RFX7: variants seen among roughly 807,000 people sequenced by gnomAD.
RFX7 encodes the protein regulatory factor X7.
Under a neutral mutation model 111.8 loss-of-function variants are expected in RFX7, and 26 were observed. The observed-to-expected ratio is 0.23, with a 90% CI of 0.17 to 0.32. The LOEUF is 0.32. RFX7 is among the 10% of genes least tolerant of loss of function. RFX7 has a pLI of 1.00. For synonymous variants in RFX7, 624 were observed against 624.4 expected, an observed-to-expected ratio of 1.00 and a Z score of 0.01; for missense variants, 1,573 against 1,772.9, an observed-to-expected ratio of 0.89 and a Z score of 2.02.
intron 5 of RFX7, among the ~76,000 whole-genome samples, chr15:56,127,474 T>C (rs1232765775): frequency 6.7e-6 from 1 of 149,376 alleles, no homozygotes; most frequent in Non-Finnish European, 1.5e-5. Context: ...ATAAAGATTC[T>C]AGTGGAAAGA....
intron 5 of RFX7, among the ~76,000 whole-genome samples, chr15:56,106,934 G>T (rs1346578234): frequency 6.6e-6 from 1 of 152,132 alleles, no homozygotes; most frequent in African/African-American, 2.4e-5. Flanking sequence ...CTCAGTGTCA[G>T]ATTATACTTT....
At position 56,088,082 on chromosome 15, in the gene RFX7, A is replaced by C; in HGVS notation, c.*5263T>G. 4.7e-6 allele frequency: 1 copy of C among 213,150 alleles called. No individual in the cohort carries two copies. The highest frequency in any genetic ancestry group is 9.9e-6 in the Non-Finnish European group (1 of 101,490). The allele number at this position is 213,150 out of a possible 1,614,324, so 13.2% of individuals were successfully genotyped here. Reference sequence around the variant, plus strand: ...CTAAAAGCAATAAAAATGAAAAAGAATTGTTGACATATAAGGATGGGAGGT... The same window carrying C: ...CTAAAAGCAATAAAAATGAAAAAGACTTGTTGACATATAAGGATGGGAGGT... On this transcript the variant is annotated 3_prime_UTR_variant, in exon 10 of 10. Transcript: ENST00000559447.
chr15:56,096,285 T>C lies in RFX7; in HGVS notation c.1443A>G (p.Thr481=). ...TAAGAGGGGTGTTACTGTTGCTGGG[T>C]GTGAGGGATATTGTTGTCATTTTCA... The part of the protein sequence containing the change: ...NVVKMTTISL[T]PSNSNTPLKH... Residue 481 remains threonine, a synonymous_variant, in exon 10 of 10, where the codon ACA becomes ACG. Coordinates refer to ENST00000559447, the MANE Select transcript of RFX7 (RefSeq NM_022841.7). 6.2e-7 allele frequency: 1 copy of C among 1,613,844 alleles called. No homozygotes were observed. The highest frequency in any genetic ancestry group is 8.5e-7 in the Non-Finnish European group (1 of 1,179,850).
intron 5 of RFX7, among the ~76,000 whole-genome samples, chr15:56,107,447 G>GTCTT (rs1261572204): frequency 2.0e-5 from 3 of 150,548 alleles, no homozygotes; most frequent in Non-Finnish European, 4.4e-5. Context: ...TAACAATTCA[G>GTCTT]TCTTTAATAT....
chr15:56,201,185 A>C (rs1349823007), intron 2 of RFX7, among the ~76,000 whole-genome samples: 2 of 152,172 alleles, frequency 1.3e-5, no homozygotes, highest in Non-Finnish European at 1.5e-5. Context: ...GTAAGACATG[A>C]CTTATTACTC....
At chr15:56,221,245 C>T (rs1227260435) in intron 2 of RFX7, among the ~76,000 whole-genome samples, 4 of 152,136 alleles carry the variant, frequency 2.6e-5, no homozygotes, top group Non-Finnish European at 4.4e-5. Flanking sequence ...ACAAATAGCA[C>T]TGAATCTGTA....
intron 2 of RFX7, among the ~76,000 whole-genome samples, chr15:56,232,867 G>C (rs1049743907): frequency 2.0e-4 from 31 of 152,154 alleles, no homozygotes; most frequent in Admixed American, 2.0e-4. Flanking sequence ...CCTGAGCCTG[G>C]ATTTCACTGT....
intron 2 of RFX7, among the ~76,000 whole-genome samples, chr15:56,229,764 G>T (rs181724749): frequency 1.3e-5 from 2 of 152,242 alleles, no homozygotes; most frequent in Admixed American, 6.5e-5. Flanking sequence ...CTGTAACCAA[G>T]TAGCACAATA....
intron 2 of RFX7, among the ~76,000 whole-genome samples, chr15:56,218,090 T>C (rs1322262230): frequency 6.6e-6 from 1 of 151,792 alleles, no homozygotes; most frequent in African/African-American, 2.4e-5. Context: ...ATAAAAACGA[T>C]TTGCACAGCA....
At position 56,087,329 on chromosome 15, in the gene RFX7, A is replaced by G; in HGVS notation, c.*6016T>C. 1 of 425,366 alleles carries G rather than the reference A, an allele frequency of 2.4e-6. No individual in the cohort carries two copies. The highest frequency in any genetic ancestry group is 4.7e-6 in the Non-Finnish European group (1 of 211,044). 26.3% of individuals were successfully genotyped at this position (425,366 alleles called of 1,614,324 possible). A position where few individuals can be genotyped will look rare whatever the true frequency, so the allele number is the denominator to read the frequency against. ...TATTTCTCTCATGTAAAACACATCC[A>G]GAGGTAAGCAGTCAGGACTAGTTGG... On this transcript the variant is annotated 3_prime_UTR_variant, in exon 10 of 10. Coordinates refer to ENST00000559447, the MANE Select transcript of RFX7 (RefSeq NM_022841.7).
intron 3 of RFX7, among the ~76,000 whole-genome samples, chr15:56,167,148 A>C (rs1297633777): frequency 6.6e-6 from 1 of 152,052 alleles, no homozygotes; most frequent in Non-Finnish European, 1.5e-5. Context: ...ATACAAAAAA[A>C]CAAAATTTTT....
At chr15:56,181,530 G>T (rs1344647396) in intron 2 of RFX7, among the ~76,000 whole-genome samples, 3 of 151,876 alleles carry the variant, frequency 2.0e-5, no homozygotes, top group African/African-American at 7.3e-5. Context: ...GTATCATCTG[G>T]TATATGTAAG....
chr15:56,215,231 T>C (rs1486326882), intron 2 of RFX7, among the ~76,000 whole-genome samples: 1 of 152,236 alleles, frequency 6.6e-6, no homozygotes, highest in Non-Finnish European at 1.5e-5. Flanking sequence ...AGCTGTATCA[T>C]GTTTTTAAAA....
At chr15:56,224,196 G>A (rs948420187) in intron 2 of RFX7, among the ~76,000 whole-genome samples, 2 of 151,878 alleles carry the variant, frequency 1.3e-5, no homozygotes, top group African/African-American at 2.4e-5. Context: ...TGCCAGTCCT[G>A]GTAAGGGAAC....
At chr15:56,152,198 T>A (rs1359136946) in intron 3 of RFX7, among the ~76,000 whole-genome samples, 1 of 152,142 alleles carries the variant, frequency 6.6e-6, no homozygotes, top group Non-Finnish European at 1.5e-5. Flanking sequence ...CTGGACCAAG[T>A]GGACCTAATA....
chr15:56,242,395 A>C (rs1442531250), intron 2 of RFX7, among the ~76,000 whole-genome samples: 3 of 152,222 alleles, frequency 2.0e-5, no homozygotes, highest in East Asian at 1.9e-4. Context: ...GAAATATTGG[A>C]AATTTTCATA....
intron 5 of RFX7, among the ~76,000 whole-genome samples, chr15:56,135,155 G>A (rs1279526845): frequency 6.6e-6 from 1 of 152,164 alleles, no homozygotes; most frequent in African/African-American, 2.4e-5. Context: ...GGGTCAAATG[G>A]TATTTCTAGT....
chr15:56,158,313 C>A (rs954426669), intron 3 of RFX7, among the ~76,000 whole-genome samples: 1 of 151,974 alleles, frequency 6.6e-6, no homozygotes, highest in Non-Finnish European at 1.5e-5. Flanking sequence ...AACACAGCGA[C>A]AAAATGCTCA....
At position 56,096,702 on chromosome 15, in the gene RFX7, C is replaced by A. The variant is rs554172543; in HGVS notation, c.1108-82G>T. 1.5e-5 allele frequency: 20 copies of A among 1,368,324 alleles called. No homozygotes were observed. In the East Asian group the frequency reaches 5.0e-4, roughly 35 times the overall value. The allele number at this position is 1,368,324 out of a possible 1,614,324, so 84.8% of individuals were successfully genotyped here. ...CATGTATCTGTATATACTTTTAAGT[C>A]ATTTATTAAATGTTAATGTTAAAAA... On this transcript the variant is annotated intron_variant, in intron 9 of 9. Coordinates refer to ENST00000559447, the MANE Select transcript of RFX7 (RefSeq NM_022841.7).
Sources: gnomAD v4.1 joint callset for allele counts (sites outside exome capture counted in the v4.1 genomes callset) on GRCh38, gnomAD v4.1.1 for gene constraint, MANE v1.5 for transcripts, NCBI Gene and HGNC (gene_info 2026-07-23, HGNC 2026-07-21) for gene names.